Variants in ODAD2 observed in about 807,000 individuals in gnomAD.
The protein encoded by ODAD2 is outer dynein arm-docking complex subunit 2.
In ODAD2, 89 loss-of-function variants were observed where a neutral mutation model predicts 106.8. The ratio of observed to expected loss-of-function variants is 0.83; its 90% confidence interval spans 0.70 to 0.99. ODAD2 has a LOEUF of 0.99. ODAD2 is among the 50% of genes least tolerant of loss of function. The probability of loss-of-function intolerance (pLI) is 0.00; values close to 1 mark genes in which losing one functional copy is unlikely to be tolerated. For synonymous variants in ODAD2, 404 were observed against 436.2 expected (o/e 0.93, Z 0.92); for missense variants, 1,168 against 1,238.5 (o/e 0.94, Z 0.85).
intron 17 of ODAD2, among the ~76,000 whole-genome samples, chr10:27,884,166 G>C (rs1841923041): frequency 6.6e-6 from 1 of 152,082 alleles, no homozygotes; most frequent in Non-Finnish European, 1.5e-5. Flanking sequence ...CTTGAAAGTT[G>C]CAAGAGAAAA....
chr10:27,918,573 A>G lies in ODAD2; in HGVS notation c.2496-10796T>C, dbSNP rs145691388. ...TTTTCAATCTGATAAAACATCTACAAAAACCTACCACTAACATCACACTTA... is the reference window on the plus strand; with the variant it reads ...TTTTCAATCTGATAAAACATCTACAGAAACCTACCACTAACATCACACTTA... On this transcript the variant is annotated intron_variant, in intron 16 of 19. Coordinates refer to ENST00000305242, the MANE Select transcript of ODAD2 (RefSeq NM_018076.5). Among the ~76,000 whole-genome samples the G allele has an allele frequency of 4.2e-3, 639 of 152,036 alleles. 3 individuals are homozygous for G. The highest frequency in any genetic ancestry group is 6.6e-3 in the Admixed American group (100 of 15,256).
intron 16 of ODAD2, among the ~76,000 whole-genome samples, chr10:27,909,816 T>TTA (rs1843866046): frequency 2.2e-5 from 1 of 46,352 alleles, no homozygotes; most frequent in African/African-American, 1.2e-4. Flanking sequence ...AGTCTTCATT[T>TTA]GAAAAAAAAA....
rs1850698985 is a variant in ODAD2, at chr10:27,998,620, G to A, written c.-39+374C>T. 2.0e-5 allele frequency among the ~76,000 whole-genome samples: 3 copies of A among 152,042 alleles called. No individual in the cohort carries two copies. In the East Asian group the frequency reaches 5.8e-4, roughly 30 times the overall value. On this transcript the variant is annotated intron_variant, in intron 1 of 19. Transcript: ENST00000305242. ...GGGCCGAGGCAGGGTCTCGCGGGGA[G>A]GAAGGAGTGAGATGGGGCTGGGAGA...
intron 6 of ODAD2, among the ~76,000 whole-genome samples, chr10:27,982,949 A>G (rs1382523613): frequency 2.6e-5 from 4 of 152,142 alleles, no homozygotes; most frequent in Non-Finnish European, 5.9e-5. Flanking sequence ...GCAATGTCGT[A>G]TTTCTCCTTT....
chr10:27,928,581 G>T (rs1258772277), intron 16 of ODAD2, among the ~76,000 whole-genome samples: 1 of 151,938 alleles, frequency 6.6e-6, no homozygotes, highest in Non-Finnish European at 1.5e-5. Flanking sequence ...CTCCTTTACT[G>T]CAGGTGAGAG....
intron 19 of ODAD2, among the ~76,000 whole-genome samples, chr10:27,814,167 G>C (rs1057237397): frequency 6.6e-6 from 1 of 152,060 alleles, no homozygotes; most frequent in African/African-American, 2.4e-5. Context: ...AAGGGAAACA[G>C]GGACCCTCCG....
chr10:27,959,841 A>C (rs1381524507), intron 10 of ODAD2, among the ~76,000 whole-genome samples: 2 of 152,194 alleles, frequency 1.3e-5, no homozygotes, highest in Non-Finnish European at 2.9e-5. Flanking sequence ...TATGCTAAAA[A>C]TTTCAGAGGT....
chr10:27,895,208 T>C (rs1030843665), intron 17 of ODAD2, among the ~76,000 whole-genome samples: 3 of 152,200 alleles, frequency 2.0e-5, no homozygotes, highest in African/African-American at 7.2e-5. Flanking sequence ...TCATAGCAGA[T>C]GGCTTACAAA....
At chr10:27,874,732 T>C (rs1841189344) in intron 17 of ODAD2, among the ~76,000 whole-genome samples, 1 of 152,246 alleles carries the variant, frequency 6.6e-6, no homozygotes, top group Admixed American at 6.5e-5. Flanking sequence ...CCACTGTTAG[T>C]CTGATGGGCT....
chr10:27,890,584 T>C (rs1361972717), intron 17 of ODAD2, among the ~76,000 whole-genome samples: 2 of 152,030 alleles, frequency 1.3e-5, no homozygotes, highest in African/African-American at 2.4e-5. Context: ...GCAGCCTCTA[T>C]TGCAGCCCTC....
In ODAD2 at chr10:27,994,976, G is replaced by T. The variant is rs775110392; in HGVS notation, c.167C>A (p.Pro56Gln). 4.3e-6 allele frequency: 7 copies of T among 1,614,024 alleles called. No individual in the cohort carries two copies. Among genetic ancestry groups the T allele is most frequent in the Non-Finnish European group, 5.9e-6 (7 of 1,180,038 alleles). Residue 56 changes from proline to glutamine, a missense_variant, in exon 2 of 20, where the codon CCA becomes CAA. Transcript: ENST00000305242. ...CGCCAAACTTGTGTTCCATTCAAGTGGTTCCACAAAAACAAATTTTGCCTC... is the reference window on the plus strand; with the variant it reads ...CGCCAAACTTGTGTTCCATTCAAGTTGTTCCACAAAAACAAATTTTGCCTC... ...PQEAKFVFVE[P>Q]LEWNTSLAPS...
intron 7 of ODAD2, among the ~76,000 whole-genome samples, chr10:27,975,020 C>A (rs149085339): frequency 2.6e-5 from 4 of 152,208 alleles, no homozygotes; most frequent in South Asian, 2.1e-4. Flanking sequence ...GGATTGCATT[C>A]CTGATTTGGC....
chr10:27,919,871 T>A (rs1156513075), intron 16 of ODAD2, among the ~76,000 whole-genome samples: 4 of 152,194 alleles, frequency 2.6e-5, no homozygotes, highest in African/African-American at 9.7e-5. Flanking sequence ...TAATTACTTT[T>A]GCCTGCTGGT....
chr10:27,860,791 C>T lies in ODAD2; in HGVS notation c.2855G>A (p.Trp952Ter). Residue 952 changes from tryptophan (W) to a stop codon, truncating the protein, a stop_gained, in exon 19 of 20, where the codon TGG becomes TAG. Coordinates refer to ENST00000305242, the MANE Select transcript of ODAD2 (RefSeq NM_018076.5). LOFTEE classifies it high-confidence loss of function. ...LAEAISRCCM[W>*]GRNRVAFGEH... is the part of the protein sequence containing the mutation. Reference sequence around the variant, plus strand: ...ACCGAAGGCCACTCTATTCCTGCCCCACATACAGCAACGTGAAATAGCTTC... The same window carrying T: ...ACCGAAGGCCACTCTATTCCTGCCCTACATACAGCAACGTGAAATAGCTTC... The T allele has an allele frequency of 1.9e-6, 3 of 1,614,166 alleles. No homozygotes were observed. The highest frequency in any genetic ancestry group is 2.5e-6 in the Non-Finnish European group (3 of 1,180,018).
intron 19 of ODAD2, among the ~76,000 whole-genome samples, chr10:27,856,638 C>T (rs935314406): frequency 6.6e-6 from 1 of 152,182 alleles, no homozygotes; most frequent in Non-Finnish European, 1.5e-5. Context: ...GCAAGGAAAC[C>T]GCTAGCCACT....
chr10:27,819,071 C>T (rs894334462), intron 19 of ODAD2, among the ~76,000 whole-genome samples: 7 of 152,162 alleles, frequency 4.6e-5, no homozygotes, highest in African/African-American at 1.7e-4. Context: ...GATGTTTGAA[C>T]ACCTGTATTC....
chr10:27,929,685 GAT>G (rs1294752495), intron 16 of ODAD2, among the ~76,000 whole-genome samples: 2 of 152,082 alleles, frequency 1.3e-5, no homozygotes, highest in Non-Finnish European at 2.9e-5. Flanking sequence ...ACATTTGAAG[GAT>G]AACTTGGCTA....
At chr10:27,934,233 G>A (rs1332320283) in intron 16 of ODAD2, among the ~76,000 whole-genome samples, 3 of 151,868 alleles carry the variant, frequency 2.0e-5, no homozygotes, top group African/African-American at 4.8e-5. Flanking sequence ...ACCCAGTTTC[G>A]GGTATGTCTT....
At chr10:27,922,349 G>T (rs1319963243) in intron 16 of ODAD2, among the ~76,000 whole-genome samples, 2 of 151,908 alleles carry the variant, frequency 1.3e-5, no homozygotes, top group East Asian at 3.9e-4. Context: ...TCCAAACTAA[G>T]ACTATAGAAC....
Sources: gnomAD v4.1 joint callset for allele counts (sites outside exome capture counted in the v4.1 genomes callset) on GRCh38, gnomAD v4.1.1 for gene constraint, MANE v1.5 for transcripts, NCBI Gene and HGNC (gene_info 2026-07-23, HGNC 2026-07-21) for gene names.